The following ZBTB20 variants were observed in gnomAD, a reference collection of about 807,000 sequenced individuals.
ZBTB20 encodes zinc finger and BTB domain containing 20.
A neutral mutation model predicts 56.9 loss-of-function variants in ZBTB20; 9 were observed. That is an observed-to-expected ratio of 0.16 (90% confidence interval 0.10 to 0.28). ZBTB20 has a LOEUF of 0.28. Ranked by LOEUF, ZBTB20 falls within the 10% of genes least tolerant of loss-of-function variation. The pLI, the probability that ZBTB20 is intolerant of heterozygous loss-of-function variation, is 1.00. For synonymous variants in ZBTB20, 417 were observed against 420.7 expected, an observed-to-expected ratio of 0.99 and a Z score of 0.11; for missense variants, 655 against 1,003.0, an observed-to-expected ratio of 0.65 and a Z score of 4.69.
At chr3:114,964,902 C>T (rs994006934) in intron 3 of ZBTB20, among the ~76,000 whole-genome samples, 1 of 152,124 alleles carries the variant, frequency 6.6e-6, no homozygotes, top group Non-Finnish European at 1.5e-5. Flanking sequence ...GCCTACTGAT[C>T]TTTGAAAAAC....
chr3:114,848,841 G>A (rs2074852002), intron 4 of ZBTB20, among the ~76,000 whole-genome samples: 1 of 152,204 alleles, frequency 6.6e-6, no homozygotes, highest in Admixed American at 6.5e-5. Context: ...TCTCCTCTCT[G>A]CCAATGTGGG....
At position 115,071,276 on chromosome 3, in the gene ZBTB20, TCATAGG is replaced by T. The variant is rs1240676525; in HGVS notation, c.-570_-565del. ...TTCTTGATTAACCAGGAGAAGAATA[TCATAGG>T]CATGGGTGTGAGATCAACTGGAGAT... On this transcript the variant is annotated 5_prime_UTR_variant, in exon 2 of 12. An upstream start codon of the reference 5' UTR is lost. Transcript: ENST00000675478. The T allele has an allele frequency of 6.6e-6, 1 of 152,118 alleles. No homozygotes were observed. The highest frequency in any genetic ancestry group is 6.6e-5 in the Admixed American group (1 of 15,252). The allele number at this position is 152,118 out of a possible 1,614,324, so 9.4% of individuals were successfully genotyped here.
rs2078667216 is a variant in ZBTB20 at position 114,315,924 on chromosome 3, G to C, written c.*23081C>G. Reference sequence around the variant, plus strand: ...AAAAGTGGCACCCACTTCTCAAATGGATGGCCACGTTAAGGTGCTTCAAAA... The same window carrying C: ...AAAAGTGGCACCCACTTCTCAAATGCATGGCCACGTTAAGGTGCTTCAAAA... On this transcript the variant is annotated 3_prime_UTR_variant, in exon 12 of 12. Coordinates refer to ENST00000675478, the MANE Select transcript of ZBTB20 (RefSeq NM_001348800.3). 1 of 154,042 alleles carries C rather than the reference G, an allele frequency of 6.5e-6. No homozygotes were observed. The highest frequency in any genetic ancestry group is 1.4e-5 in the Non-Finnish European group (1 of 70,152). The allele number at this position is 154,042 out of a possible 1,614,324, so 9.5% of individuals were successfully genotyped here.
intron 7 of ZBTB20, among the ~76,000 whole-genome samples, chr3:114,499,202 C>T (rs1161920015): frequency 5.3e-5 from 8 of 152,088 alleles, no homozygotes; most frequent in Admixed American, 4.6e-4. Context: ...CAGGTAGGAC[C>T]CACCCCTGTT....
intron 7 of ZBTB20, among the ~76,000 whole-genome samples, chr3:114,450,967 T>C (rs955538232): frequency 1.3e-5 from 2 of 152,104 alleles, no homozygotes; most frequent in African/African-American, 4.8e-5. Flanking sequence ...TCGTTCCTGG[T>C]TGAAAATTTC....
chr3:115,083,739 T>C (rs1159140366), intron 1 of ZBTB20, among the ~76,000 whole-genome samples: 3 of 151,996 alleles, frequency 2.0e-5, no homozygotes, highest in African/African-American at 7.2e-5. Context: ...CAATGACCCA[T>C]AGCAATATAG....
chr3:114,340,820 G>C (rs890681485), intron 11 of ZBTB20, among the ~76,000 whole-genome samples: 8 of 152,082 alleles, frequency 5.3e-5, no homozygotes, highest in Non-Finnish European at 1.2e-4. Context: ...TATGCATCAA[G>C]GTAAGAAGTC....
Position 114,339,086 on chromosome 3 carries a change from G to A in ZBTB20, c.2145C>T (p.Tyr715=), listed in dbSNP as rs372379560. 7 of 1,586,042 alleles carry A rather than the reference G, an allele frequency of 4.4e-6. No individual in the cohort carries two copies. Among genetic ancestry groups the A allele is most frequent in the Admixed American group, 3.4e-5 (2 of 58,052 alleles). The change falls in exon 12 of 12, where the codon TAC becomes TAT. Residue 715 remains tyrosine (Y), a synonymous_variant. Transcript: ENST00000675478. The surrounding 1 kb of genome is among the most constrained non-coding windows in gnomAD (Gnocchi z 4.2). ...ACTTTGCTGGGCAGACGGAGCAGAC[G>A]TAAGTGGTCCCCTCCGTGCAGGCCA... ...GVVACTEGTT[Y]VCSVCPAKFD...
intron 1 of ZBTB20, among the ~76,000 whole-genome samples, chr3:115,083,782 T>C (rs1247661517): frequency 2.0e-5 from 3 of 151,968 alleles, no homozygotes; most frequent in Non-Finnish European, 4.4e-5. Flanking sequence ...ACATAACAAA[T>C]TCCTAAGTGC....
intron 5 of ZBTB20, among the ~76,000 whole-genome samples, chr3:114,696,980 G>A (rs773840954): frequency 6.6e-6 from 1 of 150,540 alleles, no homozygotes; most frequent in African/African-American, 2.4e-5. Context: ...AATTCTATAG[G>A]AAGTCTGAAT....
At chr3:114,553,305 C>A (rs2050796111) in intron 6 of ZBTB20, among the ~76,000 whole-genome samples, 1 of 152,098 alleles carries the variant, frequency 6.6e-6, no homozygotes, top group Non-Finnish European at 1.5e-5. Flanking sequence ...TAGCAATGTA[C>A]ATTAGGCAAT....
chr3:114,935,132 T>G (rs969172685), intron 3 of ZBTB20, among the ~76,000 whole-genome samples: 1 of 152,176 alleles, frequency 6.6e-6, no homozygotes, highest in Non-Finnish European at 1.5e-5. Flanking sequence ...AATTTGTTCT[T>G]AATAGACCAG....
At chr3:114,671,429 C>G (rs776783422) in intron 6 of ZBTB20, among the ~76,000 whole-genome samples, 1 of 151,944 alleles carries the variant, frequency 6.6e-6, no homozygotes, top group Non-Finnish European at 1.5e-5. Context: ...CTTGATCTAG[C>G]CTAGGTATAA....
At chr3:114,573,194 T>G (rs996236276) in intron 6 of ZBTB20, among the ~76,000 whole-genome samples, 1 of 152,158 alleles carries the variant, frequency 6.6e-6, no homozygotes, top group African/African-American at 2.4e-5. Context: ...GCATAGTGGC[T>G]CACGCCTGTA....
At chr3:114,782,136 C>A (rs1321109193) in intron 5 of ZBTB20, among the ~76,000 whole-genome samples, 1 of 152,174 alleles carries the variant, frequency 6.6e-6, no homozygotes, top group African/African-American at 2.4e-5. Context: ...AAATGCTCCA[C>A]CTATATGCTC....
intron 6 of ZBTB20, among the ~76,000 whole-genome samples, chr3:114,638,380 C>T (rs908865740): frequency 2.0e-5 from 3 of 152,006 alleles, no homozygotes; most frequent in Non-Finnish European, 4.4e-5. Context: ...TATCATATAC[C>T]AGGAATTTCC....
At chr3:114,404,656 A>G (rs1388048558) in intron 7 of ZBTB20, among the ~76,000 whole-genome samples, 15 of 152,150 alleles carry the variant, frequency 9.9e-5, no homozygotes, top group Non-Finnish European at 1.9e-4. Flanking sequence ...CTCTCAGGTC[A>G]GTGCATCCTC....
chr3:114,500,575 T>C (rs989909204), intron 6 of ZBTB20, among the ~76,000 whole-genome samples, 184 bp from the exon 7 acceptor site: 1 of 152,172 alleles, frequency 6.6e-6, no homozygotes, highest in Non-Finnish European at 1.5e-5. Context: ...CCCAGCTTCA[T>C]AAAAACTTTC....
chr3:114,424,600 C>T lies in ZBTB20; in HGVS notation c.-254-35495G>A, dbSNP rs116184272. 3.3e-3 allele frequency among the ~76,000 whole-genome samples: 507 copies of T among 152,340 alleles called. 1 individual carries two copies. The highest frequency in any genetic ancestry group is 0.011 in the African/African-American group (472 of 41,570). On this transcript the variant is annotated intron_variant, in intron 7 of 11. Transcript: ENST00000675478. ...AATGTATTAACATGGGAGCAAAGCGCTATTCCTAAAGACAGGGATCACATT... is the reference window on the plus strand; with the variant it reads ...AATGTATTAACATGGGAGCAAAGCGTTATTCCTAAAGACAGGGATCACATT...
Sources: gnomAD v4.1 joint callset for allele counts (sites outside exome capture counted in the v4.1 genomes callset) on GRCh38, gnomAD v4.1.1 for gene constraint, Gnocchi (gnomAD v3.1) non-coding constraint, MANE v1.5 for transcripts, NCBI Gene and HGNC (gene_info 2026-07-23, HGNC 2026-07-21) for gene names.